Variants in NUDCD3 observed in about 807,000 individuals in gnomAD.
NUDCD3 encodes nudC domain-containing protein 3.
Under a neutral mutation model 39.7 loss-of-function variants are expected in NUDCD3, and 13 were observed. The ratio of observed to expected loss-of-function variants is 0.33; its 90% CI spans 0.21 to 0.52. The LOEUF is 0.52. Among genes scored for constraint, NUDCD3 ranks in the 20% least tolerant of loss-of-function variants. The pLI, the probability that NUDCD3 is intolerant of heterozygous loss-of-function variation, is 0.96. For missense variants in NUDCD3, 453 were observed against 458.1 expected (o/e 0.99, Z 0.10); for synonymous variants, 175 against 172.4 (o/e 1.02, Z -0.12).
chr7:44,416,044 T>C (rs916270962), intron 3 of NUDCD3, among the ~76,000 whole-genome samples: 4 of 151,892 alleles, frequency 2.6e-5, no homozygotes, highest in Non-Finnish European at 5.9e-5. Flanking sequence ...AAAAAAAAAA[T>C]CATTCAGCAA....
At position 44,468,405 on chromosome 7, in the gene NUDCD3, T is replaced by A. The variant is rs149397319; in HGVS notation, c.509+16563A>T. The A allele has an allele frequency of 1.3e-4, 122 of 913,362 alleles. No individual in the cohort carries two copies. The African/African-American group carries it at 1.6e-3, about 12-fold the overall frequency. 56.6% of individuals were successfully genotyped at this position (913,362 alleles called of 1,614,324 possible). On this transcript the variant is annotated intron_variant, in intron 2 of 5. Transcript: ENST00000355451. Reference sequence around the variant, plus strand: ...ACTAAGGCCCAGGGAGACGAAAGAATTTGTTTGTTCAATGCCAGACAGCTT... The same window carrying A: ...ACTAAGGCCCAGGGAGACGAAAGAAATTGTTTGTTCAATGCCAGACAGCTT...
At chr7:44,426,593 G>A (rs866712946) in intron 3 of NUDCD3, among the ~76,000 whole-genome samples, 92 of 152,124 alleles carry the variant, frequency 6.0e-4, no homozygotes, top group African/African-American at 1.6e-3. Flanking sequence ...TCAGGAGATC[G>A]AGACCATCCT....
At chr7:44,441,313 T>C (rs138257475) in intron 2 of NUDCD3, among the ~76,000 whole-genome samples, 18 of 152,340 alleles carry the variant, frequency 1.2e-4, no homozygotes, top group African/African-American at 4.1e-4. Context: ...CACTGGATTT[T>C]TAGGGATTCT....
intron 2 of NUDCD3, among the ~76,000 whole-genome samples, chr7:44,455,700 G>C (rs1027948395): frequency 5.9e-5 from 9 of 152,172 alleles, no homozygotes; most frequent in African/African-American, 2.2e-4. Flanking sequence ...AAGAGCATGT[G>C]TCTACCTGCT....
chr7:44,411,255 C>T (rs1407118409), intron 3 of NUDCD3, among the ~76,000 whole-genome samples: 3 of 150,252 alleles, frequency 2.0e-5, no homozygotes, highest in Non-Finnish European at 4.4e-5. Context: ...ACACCACAAG[C>T]AGCCAAAGCA....
At chr7:44,455,358 T>C (rs529845190) in intron 2 of NUDCD3, among the ~76,000 whole-genome samples, 1 of 152,232 alleles carries the variant, frequency 6.6e-6, no homozygotes, top group Admixed American at 6.5e-5. Context: ...TGTCACCATG[T>C]CTTATTGGGG....
chr7:44,459,156 A>AT (rs923885708), intron 2 of NUDCD3, among the ~76,000 whole-genome samples: 4 of 148,356 alleles, frequency 2.7e-5, no homozygotes, highest in Admixed American at 2.0e-4. Flanking sequence ...ATTCCTAAGT[A>AT]TTTTTTTATA....
At chr7:44,412,236 C>T (rs1405808211) in intron 3 of NUDCD3, among the ~76,000 whole-genome samples, 2 of 152,226 alleles carry the variant, frequency 1.3e-5, no homozygotes, top group South Asian at 2.1e-4. Flanking sequence ...TCCACGTGTA[C>T]TGAGCATAAT....
chr7:44,490,352 G>A, intron 1 of NUDCD3, 57 bp downstream of exon 1: 1 of 1,434,468 alleles, frequency 7.0e-7, no homozygotes, highest in South Asian at 1.5e-5. Flanking sequence ...GCGGGCGCCA[G>A]GAGTCAGGGC....
intron 2 of NUDCD3, among the ~76,000 whole-genome samples, chr7:44,473,016 G>A (rs946872130): frequency 5.3e-5 from 8 of 152,110 alleles, no homozygotes; most frequent in Non-Finnish European, 1.2e-4. Flanking sequence ...ACACTTAAAC[G>A]CATATTCACT....
chr7:44,440,970 T>C (rs1444876738), intron 2 of NUDCD3, among the ~76,000 whole-genome samples: 1 of 152,208 alleles, frequency 6.6e-6, no homozygotes. Flanking sequence ...CAACTCAAGA[T>C]GACAGTATTT....
At chr7:44,396,720 C>T (rs1798632699) in intron 4 of NUDCD3, among the ~76,000 whole-genome samples, 1 of 152,184 alleles carries the variant, frequency 6.6e-6, no homozygotes, top group East Asian at 1.9e-4. Context: ...CATTTAACTA[C>T]TTTCCTTAGA....
chr7:44,441,565 C>T (rs1799585131), intron 2 of NUDCD3, among the ~76,000 whole-genome samples: 1 of 152,154 alleles, frequency 6.6e-6, no homozygotes, highest in Admixed American at 6.5e-5. Flanking sequence ...CCCTGCCCAG[C>T]CTCTGTTCAG....
chr7:44,397,646 C>G (rs947700631), intron 4 of NUDCD3, among the ~76,000 whole-genome samples: 1 of 152,076 alleles, frequency 6.6e-6, no homozygotes, highest in Non-Finnish European at 1.5e-5. Flanking sequence ...CTTAAAGTTA[C>G]TAGAATAAGT....
intron 2 of NUDCD3, among the ~76,000 whole-genome samples, chr7:44,475,089 C>T (rs1426510703): frequency 1.3e-5 from 2 of 151,932 alleles, no homozygotes; most frequent in African/African-American, 2.4e-5. Flanking sequence ...CAACACTCAA[C>T]AGTGTACATC....
At position 44,380,252 on chromosome 7, in the gene NUDCD3, G is replaced by A. The variant is rs1388161180; in HGVS notation, c.*5759C>T. The A allele has an allele frequency of 1.3e-5, 2 of 152,612 alleles. No individual in the cohort carries two copies. The highest frequency in any genetic ancestry group is 2.9e-5 in the Non-Finnish European group (2 of 68,418). The allele number at this position is 152,612 out of a possible 1,614,324, so 9.5% of individuals were successfully genotyped here. On this transcript the variant is annotated 3_prime_UTR_variant, in exon 6 of 6. Coordinates refer to ENST00000355451, the MANE Select transcript of NUDCD3 (RefSeq NM_015332.4). ...CCTTGCCTGGCTGTCCCCTCCTTAG[G>A]CCTGTTGCCCCTTCCTCTCTAGACC...
intron 3 of NUDCD3, among the ~76,000 whole-genome samples, chr7:44,427,005 G>C (rs1212747236): frequency 6.6e-6 from 1 of 152,082 alleles, no homozygotes; most frequent in African/African-American, 2.4e-5. Context: ...ACCATACACG[G>C]GGAGGTGCTA....
intron 2 of NUDCD3, among the ~76,000 whole-genome samples, chr7:44,463,115 T>G (rs1460118516): frequency 6.6e-6 from 1 of 152,148 alleles, no homozygotes; most frequent in Non-Finnish European, 1.5e-5. Context: ...AGCCTGGGTG[T>G]GTCTTGACCC....
In NUDCD3 at chr7:44,392,353, T is replaced by C. The variant is rs1333761690; in HGVS notation, c.919A>G (p.Arg307Gly). ...VDEEEQAVLD[R>G]LTFDYHQKLQ... ...TTCTGGTGGTAGTCAAAGGTAAGCC[T>C]GTCCAACACCGCCTGTTCCTCCTCA... Residue 307 changes from arginine to glycine, a missense_variant, in exon 5 of 6, where the codon AGG becomes GGG. Coordinates refer to ENST00000355451, the MANE Select transcript of NUDCD3 (RefSeq NM_015332.4). 9.3e-6 allele frequency: 15 copies of C among 1,614,208 alleles called. No homozygotes were observed. The highest frequency in any genetic ancestry group is 1.3e-5 in the Non-Finnish European group (15 of 1,180,034).
Sources: gnomAD v4.1 joint callset for allele counts (sites outside exome capture counted in the v4.1 genomes callset) on GRCh38, gnomAD v4.1.1 for gene constraint, MANE v1.5 for transcripts, NCBI Gene and HGNC (gene_info 2026-07-23, HGNC 2026-07-21) for gene names.